The following FNBP4 variants were observed in gnomAD, a reference collection of about 807,000 sequenced individuals.
FNBP4 encodes the protein formin binding protein 4.
In FNBP4, 34 loss-of-function variants were observed where a neutral mutation model predicts 119.3. That is an observed-to-expected ratio of 0.28 (90% CI 0.22 to 0.38). The LOEUF (loss-of-function observed/expected upper bound fraction) is 0.38. Ranked by LOEUF, FNBP4 falls within the 10% of genes least tolerant of loss-of-function variation. The pLI is 1.00. For synonymous variants in FNBP4, 462 were observed against 430.6 expected (o/e 1.07, Z -0.90); for missense variants, 1,112 against 1,228.9 (o/e 0.90, Z 1.42).
intron 2 of FNBP4, among the ~76,000 whole-genome samples, chr11:47,759,599 C>T (rs1259115810): frequency 6.6e-6 from 1 of 152,098 alleles, no homozygotes; most frequent in African/African-American, 2.4e-5. Context: ...GAAATAACGC[C>T]ACACTTTTGT....
At position 47,765,159 on chromosome 11, in the gene FNBP4, A is replaced by C. The variant is rs1194425316; in HGVS notation, c.313+111T>G. ...AATCTTAAATCATATTTTTGGGAGA[A>C]ATAATGTTAGCAACACTAAAGCATT... On this transcript the variant is annotated intron_variant, in intron 2 of 16. Coordinates refer to ENST00000263773, the MANE Select transcript of FNBP4 (RefSeq NM_015308.5). The C allele has an allele frequency of 3.3e-5, 22 of 673,084 alleles. No homozygotes were observed. In the East Asian group the frequency reaches 5.9e-4, roughly 18 times the overall value. The allele number at this position is 673,084 out of a possible 1,614,324, so 41.7% of individuals were successfully genotyped here.
At chr11:47,727,793 C>T (rs949065573) in intron 12 of FNBP4, among the ~76,000 whole-genome samples, 1 of 152,194 alleles carries the variant, frequency 6.6e-6, no homozygotes, top group African/African-American at 2.4e-5. Context: ...AATGATGCTT[C>T]TCCTTGCTTT....
At chr11:47,727,537 AC>A (rs1442551164) in intron 12 of FNBP4, among the ~76,000 whole-genome samples, 2 of 151,832 alleles carry the variant, frequency 1.3e-5, no homozygotes, top group African/African-American at 2.4e-5. Context: ...AGATGTGAGC[AC>A]CTGGCCTCTG....
At chr11:47,730,973 G>C (rs1218216135) in intron 12 of FNBP4, among the ~76,000 whole-genome samples, 2 of 152,134 alleles carry the variant, frequency 1.3e-5, no homozygotes, top group Non-Finnish European at 2.9e-5. Context: ...GAGAAATGAG[G>C]TTGCAATATG....
At position 47,720,092 on chromosome 11, in the gene FNBP4, A is replaced by G; in HGVS notation, c.2806-6T>C. On this transcript the variant is annotated splice_region_variant and splice_polypyrimidine_tract_variant and intron_variant, in intron 15 of 16. Transcript: ENST00000263773. ...TTGGTCTTACTCTTCTTTGCCTGTAACAAAGGTTAAAGGTCAAAAGGAATA... is the reference window on the plus strand; with the variant it reads ...TTGGTCTTACTCTTCTTTGCCTGTAGCAAAGGTTAAAGGTCAAAAGGAATA... 1 of 1,610,960 alleles carries G rather than the reference A, an allele frequency of 6.2e-7. No individual in the cohort carries two copies. Among genetic ancestry groups the G allele is most frequent in the Non-Finnish European group, 8.5e-7 (1 of 1,178,240 alleles).
At chr11:47,720,651 C>T (rs1409345356) in intron 15 of FNBP4, among the ~76,000 whole-genome samples, 1 of 151,642 alleles carries the variant, frequency 6.6e-6, no homozygotes, top group Non-Finnish European at 1.5e-5. Flanking sequence ...GTCATATAAA[C>T]TTCCTTTAAC....
Position 47,731,678 on chromosome 11 carries a change from C to T in FNBP4, c.1821-117G>A, listed in dbSNP as rs1189764967. On this transcript the variant is annotated intron_variant, in intron 11 of 16. Transcript: ENST00000263773. Reference sequence around the variant, plus strand: ...TCACAGGGACGAACCTCTTAATGGACTGCTATTCACAAAGGCAACAAAGAG... The same window carrying T: ...TCACAGGGACGAACCTCTTAATGGATTGCTATTCACAAAGGCAACAAAGAG... The T allele has an allele frequency of 2.1e-6, 3 of 1,451,138 alleles. No individual in the cohort carries two copies. The African/African-American group carries it at 4.3e-5, about 21-fold the overall frequency. 89.9% of individuals were successfully genotyped at this position (1,451,138 alleles called of 1,614,324 possible).
At chr11:47,727,006 T>C (rs1319245927) in intron 12 of FNBP4, 1 of 152,316 alleles carries the variant, frequency 6.6e-6, no homozygotes, top group Non-Finnish European at 1.5e-5. Flanking sequence ...TTTTCAAATA[T>C]TGGTGGATGT....
At position 47,746,402 on chromosome 11, in the gene FNBP4, G is replaced by A; in HGVS notation, c.907-8C>T. On this transcript the variant is annotated splice_region_variant and splice_polypyrimidine_tract_variant and intron_variant, in intron 6 of 16. Transcript: ENST00000263773. ...AATTCCTTCATTTACTTCCTATAAAGAACAAAATAATTTAGTCTCATTTAA... is the reference window on the plus strand; with the variant it reads ...AATTCCTTCATTTACTTCCTATAAAAAACAAAATAATTTAGTCTCATTTAA... The A allele has an allele frequency of 1.9e-6, 3 of 1,574,598 alleles. No individual in the cohort carries two copies. The highest frequency in any genetic ancestry group is 1.7e-6 in the Non-Finnish European group (2 of 1,166,082).
At position 47,732,452 on chromosome 11, in the gene FNBP4, G is replaced by C. The variant is rs920811323; in HGVS notation, c.1820+85C>G. On this transcript the variant is annotated intron_variant, in intron 11 of 16. Transcript: ENST00000263773. The surrounding 1 kb of genome is among the most constrained non-coding windows in gnomAD (Gnocchi z 4.2). ...GCAGCTGCTCTCAGTCTCCAGACAG[G>C]CTGTCATGTCGTCAGATGGTGGTGA... The C allele has an allele frequency of 1.9e-6, 3 of 1,587,980 alleles. No homozygotes were observed. Among genetic ancestry groups the C allele is most frequent in the Non-Finnish European group, 2.6e-6 (3 of 1,164,294 alleles).
In FNBP4 at chr11:47,764,050, G is replaced by A. The variant is rs536547523; in HGVS notation, c.313+1220C>T. On this transcript the variant is annotated intron_variant, in intron 2 of 16. Transcript: ENST00000263773. Reference sequence around the variant, plus strand: ...GCCTAATGGAAGATGTTGACATCACGAGAGGACATTCAAACCACAGGAGTA... The same window carrying A: ...GCCTAATGGAAGATGTTGACATCACAAGAGGACATTCAAACCACAGGAGTA... Among the ~76,000 whole-genome samples the A allele has an allele frequency of 1.9e-4, 29 of 152,270 alleles. No homozygotes were observed. The East Asian group carries it at 3.7e-3, about 19-fold the overall frequency.
chr11:47,766,145 C>T (rs1248845071), intron 1 of FNBP4, among the ~76,000 whole-genome samples: 3 of 151,928 alleles, frequency 2.0e-5, no homozygotes, highest in Admixed American at 2.0e-4. Context: ...TGAACTCCGT[C>T]TCTACTGAAA....
chr11:47,762,404 C>A (rs1359932140), intron 2 of FNBP4, among the ~76,000 whole-genome samples: 1 of 151,956 alleles, frequency 6.6e-6, no homozygotes, highest in Non-Finnish European at 1.5e-5. Context: ...TGGAATTACA[C>A]GCGTGAACCA....
chr11:47,724,192 T>C lies in FNBP4; in HGVS notation c.2320-20A>G. On this transcript the variant is annotated intron_variant, in intron 13 of 16. Coordinates refer to ENST00000263773, the MANE Select transcript of FNBP4 (RefSeq NM_015308.5). ...TGAACTCTGAAACACAAACATTTGT[T>C]ATCAGTGGCTGAAGGCCATGGTTAA... 1.2e-6 allele frequency: 2 copies of C among 1,613,150 alleles called. No individual in the cohort carries two copies. Among genetic ancestry groups the C allele is most frequent in the Admixed American group, 1.7e-5 (1 of 59,856 alleles).
Position 47,735,974 on chromosome 11 carries a change from A to C in FNBP4, c.1581+642T>G, listed in dbSNP as rs542086742. On this transcript the variant is annotated intron_variant, in intron 9 of 16. Transcript: ENST00000263773. The stretch of plus-strand genomic sequence containing the variant: ...GCACCTGTAGTCCCAGCTACTCGGG[A>C]GGCTGAGGCAGGAGAATGGTGTGAA... Among the ~76,000 whole-genome samples the C allele has an allele frequency of 7.9e-5, 12 of 152,208 alleles. No individual in the cohort carries two copies. The East Asian group carries it at 2.3e-3, about 29-fold the overall frequency.
chr11:47,721,847 C>CGT (rs1025489194), intron 15 of FNBP4, among the ~76,000 whole-genome samples: 4 of 149,150 alleles, frequency 2.7e-5, no homozygotes, highest in African/African-American at 9.9e-5. Flanking sequence ...GCCTTTATCT[C>CGT]GTCTCCTCAG....
intron 2 of FNBP4, among the ~76,000 whole-genome samples, chr11:47,756,346 GCTCA>G (rs959269546): frequency 1.3e-5 from 2 of 152,016 alleles, no homozygotes; most frequent in Non-Finnish European, 2.9e-5. Flanking sequence ...CACATTCTAC[GCTCA>G]CTAAAAAGTT....
chr11:47,755,651 G>C (rs1565160899), intron 2 of FNBP4, among the ~76,000 whole-genome samples: 2 of 150,352 alleles, frequency 1.3e-5, no homozygotes. Context: ...AAAAAAAAAG[G>C]GAAAAGGAAA....
At chr11:47,729,749 A>T (rs544906691) in intron 12 of FNBP4, 1 of 985,460 alleles carries the variant, frequency 1.0e-6, no homozygotes, top group Non-Finnish European at 1.2e-6. Context: ...TTTAAAAGAT[A>T]GCTGGTTTTA....
Sources: gnomAD v4.1 joint callset for allele counts (sites outside exome capture counted in the v4.1 genomes callset) on GRCh38, gnomAD v4.1.1 for gene constraint, Gnocchi (gnomAD v3.1) non-coding constraint, MANE v1.5 for transcripts, NCBI Gene and HGNC (gene_info 2026-07-23, HGNC 2026-07-21) for gene names.